SIPA1L2: variants seen among roughly 807,000 people sequenced by gnomAD.
SIPA1L2 encodes the protein signal induced proliferation associated 1 like 2, also known as signal-induced proliferation-associated 1-like protein 2.
SIPA1L2 carries 56 observed loss-of-function variants against 163.9 expected under a neutral mutation model. That is an observed-to-expected ratio of 0.34 (90% CI 0.28 to 0.43). The LOEUF is 0.43. SIPA1L2 is among the 20% of genes least tolerant of loss of function. SIPA1L2 has a pLI of 1.00. For synonymous variants in SIPA1L2, 877 were observed against 865.7 expected (o/e 1.01, Z -0.23); for missense variants, 1,974 against 2,193.5 (o/e 0.90, Z 2.00).
chr1:232,509,248 C>T (rs1666873050), intron 3 of SIPA1L2, among the ~76,000 whole-genome samples: 1 of 152,224 alleles, frequency 6.6e-6, no homozygotes, highest in Non-Finnish European at 1.5e-5. Context: ...CACAGAAATA[C>T]ACCTCAGCAT....
At chr1:232,420,279 C>A (rs1425017127) in intron 18 of SIPA1L2, among the ~76,000 whole-genome samples, 4 of 151,776 alleles carry the variant, frequency 2.6e-5, no homozygotes, top group Non-Finnish European at 5.9e-5. Context: ...GCCAAGATCA[C>A]GCCACTGCAC....
chr1:232,527,664 T>A (rs1197971005), intron 2 of SIPA1L2, among the ~76,000 whole-genome samples: 1 of 150,396 alleles, frequency 6.6e-6, no homozygotes, highest in Non-Finnish European at 1.5e-5. Context: ...CTTAATATGA[T>A]ATACAGCATT....
Position 232,515,545 on chromosome 1 carries a change from A to T in SIPA1L2, c.-206T>A, listed in dbSNP as rs1573013120. On this transcript the variant is annotated 5_prime_UTR_variant, in exon 3 of 23. Coordinates refer to ENST00000674635, the MANE Select transcript of SIPA1L2 (RefSeq NM_020808.5). ...TTCTCTGTTGTCGTAATAATGTTGT[A>T]CGCCTCTGTTCTTTTCAAAAGCATT... 3.6e-6 allele frequency: 2 copies of T among 548,704 alleles called. No homozygotes were observed. The highest frequency in any genetic ancestry group is 5.9e-5 in the South Asian group (2 of 33,942). The allele number at this position is 548,704 out of a possible 1,614,324, so 34.0% of individuals were successfully genotyped here.
intron 2 of SIPA1L2, among the ~76,000 whole-genome samples, chr1:232,531,861 AAAGG>A (rs944794326): frequency 4.6e-5 from 7 of 152,140 alleles, no homozygotes; most frequent in African/African-American, 9.7e-5. Context: ...ACACAGATAG[AAAGG>A]AAGGGAGAGG....
At chr1:232,474,111 C>T (rs1018420965) in intron 7 of SIPA1L2, among the ~76,000 whole-genome samples, 4 of 152,118 alleles carry the variant, frequency 2.6e-5, no homozygotes, top group African/African-American at 9.7e-5. Flanking sequence ...CACAAACGAA[C>T]GCAGGCTGGC....
intron 5 of SIPA1L2, among the ~76,000 whole-genome samples, chr1:232,490,469 C>T (rs1178299573): frequency 2.6e-5 from 4 of 152,174 alleles, no homozygotes. Context: ...TTCAATCTTC[C>T]TAACGCTTGC....
chr1:232,621,666 C>A (rs981684737), intron 1 of SIPA1L2, among the ~76,000 whole-genome samples: 1 of 152,114 alleles, frequency 6.6e-6, no homozygotes, highest in Non-Finnish European at 1.5e-5. Flanking sequence ...TTAAGAATAT[C>A]TCTCCCCAAT....
chr1:232,607,887 T>C (rs978543643), intron 1 of SIPA1L2, among the ~76,000 whole-genome samples: 1 of 151,532 alleles, frequency 6.6e-6, no homozygotes, highest in Non-Finnish European at 1.5e-5. Context: ...GAAACCCTGT[T>C]TCTACTAAAA....
chr1:232,541,850 GA>G (rs1657697507), intron 2 of SIPA1L2, among the ~76,000 whole-genome samples: 1 of 53,740 alleles, frequency 1.9e-5, no homozygotes. Flanking sequence ...TGATCCTACA[GA>G]TTTAAAAAAA....
At chr1:232,448,682 C>T (rs1323326583) in intron 10 of SIPA1L2, among the ~76,000 whole-genome samples, 1 of 152,204 alleles carries the variant, frequency 6.6e-6, no homozygotes, top group Non-Finnish European at 1.5e-5. Context: ...AGGAAGACCA[C>T]TGTCTTTGCA....
intron 2 of SIPA1L2, among the ~76,000 whole-genome samples, chr1:232,572,668 T>TACATAC (rs1166660796): frequency 8.7e-6 from 1 of 114,734 alleles, no homozygotes; most frequent in African/African-American, 3.3e-5. Flanking sequence ...AATACATATA[T>TACATAC]ATATATATAC....
At chr1:232,592,422 G>A (rs1250241005) in intron 1 of SIPA1L2, among the ~76,000 whole-genome samples, 6 of 151,820 alleles carry the variant, frequency 4.0e-5, no homozygotes, top group Admixed American at 3.9e-4. Flanking sequence ...CTTAATTTGG[G>A]GTAAAATTGT....
At chr1:232,494,725 T>C (rs1666091635) in intron 3 of SIPA1L2, among the ~76,000 whole-genome samples, 1 of 152,234 alleles carries the variant, frequency 6.6e-6, no homozygotes, top group African/African-American at 2.4e-5. Flanking sequence ...ATACACAAAA[T>C]AGTGGGAACA....
rs756228784 is a variant in SIPA1L2, at chr1:232,439,350, G to A, written c.3789C>T (p.Thr1263=). ...LGLTYIKGAS[T]DSGIDTAPCM... ...AGGGGGCCGTGTCGATGCCACTGTC[G>A]GTGGAGGCCCCTTTGATGTAGGTCA... The change falls in exon 15 of 23, where the codon ACC becomes ACT. Residue 1263 remains threonine (T), a synonymous_variant. Transcript: ENST00000674635. The A allele has an allele frequency of 2.2e-5, 35 of 1,614,056 alleles. No individual in the cohort carries two copies. Among genetic ancestry groups the A allele is most frequent in the African/African-American group, 2.7e-5 (2 of 74,912 alleles).
chr1:232,448,715 C>T (rs1447391513), intron 10 of SIPA1L2, among the ~76,000 whole-genome samples: 4 of 152,128 alleles, frequency 2.6e-5, no homozygotes, highest in Admixed American at 6.5e-5. Context: ...GGTGCAGGGA[C>T]GGTAAGCACC....
chr1:232,619,933 G>A (rs1662710365), intron 1 of SIPA1L2, among the ~76,000 whole-genome samples: 3 of 152,094 alleles, frequency 2.0e-5, no homozygotes, highest in South Asian at 2.1e-4. Context: ...TCACCAGGCT[G>A]GAGTGCAGTG....
chr1:232,477,756 C>A (rs1042435485), intron 7 of SIPA1L2, among the ~76,000 whole-genome samples: 1 of 152,136 alleles, frequency 6.6e-6, no homozygotes, highest in East Asian at 1.9e-4. Context: ...TTTGATTACG[C>A]TTCAATGAAA....
intron 1 of SIPA1L2, among the ~76,000 whole-genome samples, chr1:232,583,152 T>C (rs1371575061): frequency 6.6e-6 from 1 of 152,224 alleles, no homozygotes; most frequent in Non-Finnish European, 1.5e-5. Flanking sequence ...ATGATGCTGC[T>C]TGGTGAACAC....
At chr1:232,445,934 G>A (rs1189964899) in intron 10 of SIPA1L2, 148 bp from the exon 11 acceptor site, 12 of 741,428 alleles carry the variant, frequency 1.6e-5, no homozygotes, top group South Asian at 1.4e-4. Context: ...CCACCCTTAG[G>A]AGCATCTCAC....
Sources: allele counts gnomAD v4.1 joint callset (sites outside exome capture counted in the v4.1 genomes callset), GRCh38; gene constraint gnomAD v4.1.1; transcripts MANE v1.5; gene names NCBI Gene and HGNC (gene_info 2026-07-23, HGNC 2026-07-21).